The following GRID1 variants were observed in gnomAD, a reference collection of about 807,000 sequenced individuals.
GRID1 encodes glutamate ionotropic receptor delta type subunit 1.
A neutral mutation model predicts 98.0 loss-of-function variants in GRID1; 28 were observed. That is an observed-to-expected ratio of 0.29 (90% confidence interval 0.21 to 0.39). GRID1 has a LOEUF of 0.39. Among genes scored for constraint, GRID1 ranks in the 10% least tolerant of loss-of-function variants. The pLI, the probability that GRID1 is intolerant of heterozygous loss-of-function variation, is 1.00. For synonymous variants in GRID1, 553 were observed against 538.5 expected, an observed-to-expected ratio of 1.03 and a Z score of -0.37; for missense variants, 1,111 against 1,340.5, an observed-to-expected ratio of 0.83 and a Z score of 2.67.
At chr10:86,132,324 G>A (rs1034751310) in intron 4 of GRID1, among the ~76,000 whole-genome samples, 3 of 152,204 alleles carry the variant, frequency 2.0e-5, no homozygotes, top group East Asian at 1.9e-4. Context: ...CAGGCCCCGC[G>A]TTCTGGCTGC....
intron 4 of GRID1, among the ~76,000 whole-genome samples, chr10:85,948,364 G>A (rs1021508989): frequency 6.6e-6 from 1 of 152,198 alleles, no homozygotes; most frequent in Non-Finnish European, 1.5e-5. Flanking sequence ...GGTTGAGGAT[G>A]GAGTTGAGGA....
chr10:85,863,195 A>G (rs1843182263), intron 6 of GRID1, among the ~76,000 whole-genome samples: 11 of 152,248 alleles, frequency 7.2e-5, no homozygotes, highest in Admixed American at 7.2e-4. Flanking sequence ...CCTGGCAAGT[A>G]CAAGATCAAG....
At chr10:85,777,115 A>C (rs1487055918) in intron 8 of GRID1, among the ~76,000 whole-genome samples, 1 of 152,122 alleles carries the variant, frequency 6.6e-6, no homozygotes, top group Non-Finnish European at 1.5e-5. Context: ...TCTCCAACCT[A>C]ATGTATAATT....
At position 86,157,854 on chromosome 10, in the gene GRID1, T is replaced by C. The variant is rs12355536; in HGVS notation, c.521-18830A>G. On this transcript the variant is annotated intron_variant, in intron 3 of 15. Transcript: ENST00000327946. ...ACCCTCTCCATCATTATGCAAAATA[T>C]AGGAGATAGTAGCCTCCTCGGGACT... 8.4e-3 allele frequency among the ~76,000 whole-genome samples: 1,284 copies of C among 152,276 alleles called. 6 individuals are homozygous for C. Among genetic ancestry groups the C allele is most frequent in the Non-Finnish European group, 0.014 (938 of 68,022 alleles).
intron 13 of GRID1, among the ~76,000 whole-genome samples, chr10:85,623,798 T>C (rs773687184): frequency 1.3e-5 from 2 of 152,220 alleles, no homozygotes; most frequent in Non-Finnish European, 2.9e-5. Context: ...ATCTTTCACA[T>C]TAGGAAGCAT....
intron 4 of GRID1, among the ~76,000 whole-genome samples, chr10:86,075,236 A>T (rs1325886729): frequency 2.7e-5 from 4 of 145,548 alleles, no homozygotes; most frequent in Admixed American, 6.9e-5. Context: ...ATTTGGCCTT[A>T]TCTGGAAATA....
rs151001800 is a variant in GRID1, at chr10:85,929,593, T to C, written c.727-13354A>G. On this transcript the variant is annotated intron_variant, in intron 4 of 15. Coordinates refer to ENST00000327946, the MANE Select transcript of GRID1 (RefSeq NM_017551.3). ...TGTGCCGTATAAGGGTACAATCAAA[T>C]GTTTTAAAAGGGAGAATAAACTGAG... 2.9e-3 allele frequency among the ~76,000 whole-genome samples: 449 copies of C among 152,342 alleles called. 2 individuals carry two copies. Among genetic ancestry groups the C allele is most frequent in the African/African-American group, 0.01 (430 of 41,572 alleles).
chr10:86,294,074 G>A (rs1453145117), intron 2 of GRID1, among the ~76,000 whole-genome samples: 1 of 152,224 alleles, frequency 6.6e-6, no homozygotes, highest in African/African-American at 2.4e-5. Context: ...AGGATCAGGA[G>A]AGCCTAGTGT....
chr10:86,141,456 C>A (rs185614562), intron 3 of GRID1, among the ~76,000 whole-genome samples: 1 of 152,368 alleles, frequency 6.6e-6, no homozygotes, highest in African/African-American at 2.4e-5. Flanking sequence ...GTCCTGCCCT[C>A]TCTGGAGCAC....
intron 8 of GRID1, among the ~76,000 whole-genome samples, chr10:85,833,846 T>G (rs1377965729): frequency 2.0e-5 from 3 of 152,144 alleles, no homozygotes; most frequent in African/African-American, 7.2e-5. Context: ...AAACACTCAC[T>G]GGATGAAATC....
At chr10:86,029,778 C>T (rs1843161060) in intron 4 of GRID1, among the ~76,000 whole-genome samples, 1 of 151,856 alleles carries the variant, frequency 6.6e-6, no homozygotes, top group Non-Finnish European at 1.5e-5. Context: ...TAGTTCTGGG[C>T]AATTAACCTG....
chr10:85,862,913 G>A (rs558602835), intron 6 of GRID1, among the ~76,000 whole-genome samples: 3 of 152,214 alleles, frequency 2.0e-5, no homozygotes, highest in Admixed American at 6.5e-5. Flanking sequence ...CAAGCAAGAT[G>A]AGGAGATAAT....
intron 5 of GRID1, among the ~76,000 whole-genome samples, chr10:85,913,716 G>A (rs1449536492): frequency 4.6e-5 from 7 of 152,154 alleles, no homozygotes; most frequent in African/African-American, 1.4e-4. Flanking sequence ...TTGAGGCCCG[G>A]GAGGCAGAGG....
chr10:85,972,203 G>A (rs1399576598), intron 4 of GRID1, among the ~76,000 whole-genome samples: 1 of 151,196 alleles, frequency 6.6e-6, no homozygotes, highest in East Asian at 1.9e-4. Context: ...CTCATAGTGA[G>A]CTTGAATACA....
intron 2 of GRID1, among the ~76,000 whole-genome samples, chr10:86,343,992 G>A (rs759941309): frequency 2.0e-5 from 3 of 152,256 alleles, no homozygotes; most frequent in African/African-American, 4.8e-5. Context: ...CCATCTCTGT[G>A]TCATGAAGGG....
intron 8 of GRID1, among the ~76,000 whole-genome samples, chr10:85,786,203 T>C (rs1233078981): frequency 6.6e-6 from 1 of 152,186 alleles, no homozygotes; most frequent in Non-Finnish European, 1.5e-5. Context: ...CCTGAATCAA[T>C]AGCCAGCCTA....
rs1842582600 is a variant in GRID1, at chr10:85,602,061, T to C, written c.*212A>G. The C allele has an allele frequency of 6.7e-6, 3 of 450,576 alleles. No homozygotes were observed. In the South Asian group the frequency reaches 2.2e-4, roughly 32 times the overall value. The allele number at this position is 450,576 out of a possible 1,614,324, so 27.9% of individuals were successfully genotyped here. ...AAGTCATTCATACAGTTTTTGTGTT[T>C]TTTTACTGACTTCGAAAATTGGGAA... On this transcript the variant is annotated 3_prime_UTR_variant, in exon 16 of 16. Transcript: ENST00000327946.
intron 3 of GRID1, among the ~76,000 whole-genome samples, chr10:86,170,327 C>T (rs1240227273): frequency 2.6e-5 from 4 of 152,230 alleles, no homozygotes; most frequent in Admixed American, 6.5e-5. Flanking sequence ...CTGTCGCCCA[C>T]CATCTGTATG....
chr10:86,263,263 G>A (rs1263405554), intron 2 of GRID1, among the ~76,000 whole-genome samples: 2 of 152,268 alleles, frequency 1.3e-5, no homozygotes, highest in East Asian at 3.8e-4. Flanking sequence ...GTGTGTGCCT[G>A]GCGGAGAAGC....
Sources: allele counts gnomAD v4.1 joint callset (sites outside exome capture counted in the v4.1 genomes callset), GRCh38; gene constraint gnomAD v4.1.1; transcripts MANE v1.5; gene names NCBI Gene and HGNC (gene_info 2026-07-23, HGNC 2026-07-21).